The following BCKDHB variants were observed in gnomAD, a reference collection of about 807,000 sequenced individuals.
BCKDHB encodes branched chain keto acid dehydrogenase E1 subunit beta, also known as 2-oxoisovalerate dehydrogenase subunit beta, mitochondrial.
In BCKDHB, 41 loss-of-function variants were observed where a neutral mutation model predicts 48.5. The ratio of observed to expected loss-of-function variants is 0.85; its 90% confidence interval spans 0.66 to 1.10. The LOEUF (loss-of-function observed/expected upper bound fraction) is 1.10. BCKDHB is among the 50% of genes least tolerant of loss of function. BCKDHB has a pLI of 0.00. For missense variants in BCKDHB, 496 were observed against 494.2 expected (o/e 1.00, Z -0.03); for synonymous variants, 201 against 174.8 (o/e 1.15, Z -1.18).
the BCKDHB span, among the ~76,000 whole-genome samples, chr6:80,361,003 C>CAA: frequency 0.31 from 36,593 of 117,220 alleles, 6,785 homozygotes; most frequent in East Asian, 0.56. Context: ...GACTCCATCT[C>CAA]AAAAAAAAAA....
intron 8 of BCKDHB, among the ~76,000 whole-genome samples, chr6:80,230,499 CAG>C (rs954427729): frequency 4.6e-5 from 7 of 152,150 alleles, no homozygotes; most frequent in African/African-American, 1.7e-4. Flanking sequence ...ACATATGGAA[CAG>C]GGGGTTAGCA....
chr6:80,381,710 T>C, the BCKDHB span, among the ~76,000 whole-genome samples: 1 of 152,124 alleles, frequency 6.6e-6, no homozygotes, highest in Non-Finnish European at 1.5e-5. Flanking sequence ...TACTTTTCTG[T>C]GAAGGACATT....
At chr6:80,204,722 T>G (rs1204180830) in intron 8 of BCKDHB, among the ~76,000 whole-genome samples, 2 of 152,132 alleles carry the variant, frequency 1.3e-5, no homozygotes, top group Non-Finnish European at 2.9e-5. Flanking sequence ...AGCAGCTTAT[T>G]GTAAAGCACA....
At position 80,147,618 on chromosome 6, in the gene BCKDHB, A is replaced by G. The variant is rs149752518; in HGVS notation, c.343+18389A>G. On this transcript the variant is annotated intron_variant, in intron 3 of 9. Coordinates refer to ENST00000320393, the MANE Select transcript of BCKDHB (RefSeq NM_183050.4). ...CTAAAAGCAGGGAGACGGGGGTGAG[A>G]TGATGCCTGAGTCCAGGCGTTGTGA... Among the ~76,000 whole-genome samples the G allele has an allele frequency of 1.7e-3, 265 of 152,226 alleles. 1 individual carries two copies. The highest frequency in any genetic ancestry group is 6.0e-3 in the African/African-American group (251 of 41,560).
chr6:80,373,601 G>C, the BCKDHB span, among the ~76,000 whole-genome samples: 1 of 151,978 alleles, frequency 6.6e-6, no homozygotes, highest in Admixed American at 6.6e-5. Flanking sequence ...TATGTCAGTG[G>C]ATAAAAGTCC....
intron 9 of BCKDHB, among the ~76,000 whole-genome samples, chr6:80,301,898 A>C (rs1251803339): frequency 6.6e-6 from 1 of 152,198 alleles, no homozygotes; most frequent in Non-Finnish European, 1.5e-5. Context: ...AATTACTGGG[A>C]TAATCTACTG....
At chr6:80,445,808 A>G in the BCKDHB span, among the ~76,000 whole-genome samples, 1 of 152,170 alleles carries the variant, frequency 6.6e-6, no homozygotes, top group Non-Finnish European at 1.5e-5. Context: ...ACTCTTTAAA[A>G]TTTTATACAC....
intron 8 of BCKDHB, among the ~76,000 whole-genome samples, chr6:80,263,600 T>C (rs1032163170): frequency 1.3e-5 from 2 of 152,164 alleles, no homozygotes; most frequent in African/African-American, 4.8e-5. Context: ...AAAAATTCAT[T>C]TATTCCAGCA....
rs1401764489 is a variant in BCKDHB at position 80,171,373 on chromosome 6, T to C, written c.725T>C (p.Ile242Thr). ...KNPCIFFEPK[I>T]LYRAAAEEVP... ...CCTTGTATATTTTTTGAACCTAAAATACTTTACAGGGCAGCAGGTAAAGAT... is the reference window on the plus strand; with the variant it reads ...CCTTGTATATTTTTTGAACCTAAAACACTTTACAGGGCAGCAGGTAAAGAT... Residue 242 changes from isoleucine to threonine, a missense_variant, in exon 6 of 10, where the codon ATA becomes ACA. Coordinates refer to ENST00000320393, the MANE Select transcript of BCKDHB (RefSeq NM_183050.4). The C allele has an allele frequency of 6.3e-7, 1 of 1,598,538 alleles. No homozygotes were observed. The highest frequency in any genetic ancestry group is 1.3e-5 in the African/African-American group (1 of 74,684).
chr6:80,457,629 T>G, the BCKDHB span, among the ~76,000 whole-genome samples: 5 of 152,208 alleles, frequency 3.3e-5, no homozygotes, highest in Non-Finnish European at 5.9e-5. Flanking sequence ...CTTGAACTGA[T>G]GTACAATTGT....
At chr6:80,296,530 C>G (rs552132436) in intron 9 of BCKDHB, among the ~76,000 whole-genome samples, 1 of 152,224 alleles carries the variant, frequency 6.6e-6, no homozygotes, top group African/African-American at 2.4e-5. Flanking sequence ...CAAATTTTAC[C>G]TTTACATTAG....
intron 6 of BCKDHB, among the ~76,000 whole-genome samples, chr6:80,178,831 T>C (rs1194204809): frequency 1.3e-5 from 2 of 152,174 alleles, no homozygotes; most frequent in African/African-American, 2.4e-5. Context: ...TAATGAGCGA[T>C]GGATTTAAGT....
intron 3 of BCKDHB, among the ~76,000 whole-genome samples, chr6:80,151,192 G>A (rs1771757739): frequency 6.6e-6 from 1 of 152,108 alleles, no homozygotes; most frequent in African/African-American, 2.4e-5. Context: ...ACATCTTATT[G>A]ATGTGTTTTC....
intron 3 of BCKDHB, among the ~76,000 whole-genome samples, chr6:80,163,542 G>A (rs1772427645): frequency 6.6e-6 from 1 of 152,004 alleles, no homozygotes; most frequent in Non-Finnish European, 1.5e-5. Flanking sequence ...TCACCTGCTT[G>A]TCTTGTTAAC....
rs561208689 is a variant in BCKDHB, at chr6:80,169,053, T to G, written c.633+23T>G. Reference sequence around the variant, plus strand: ...AAGGTATGTTCATTTATGTACTTTATTTGATTTCTATTTGATGTTTCCATT... The same window carrying G: ...AAGGTATGTTCATTTATGTACTTTAGTTGATTTCTATTTGATGTTTCCATT... On this transcript the variant is annotated intron_variant, in intron 5 of 9. Transcript: ENST00000320393. 1.8e-5 allele frequency: 29 copies of G among 1,610,380 alleles called. No homozygotes were observed. The East Asian group carries it at 3.6e-4, about 20-fold the overall frequency.
At chr6:80,149,196 T>C (rs552914803) in intron 3 of BCKDHB, among the ~76,000 whole-genome samples, 1 of 152,298 alleles carries the variant, frequency 6.6e-6, no homozygotes, top group East Asian at 1.9e-4. Context: ...AAGACATTTA[T>C]GCAGCCAAAA....
chr6:80,429,099 G>C, the BCKDHB span, among the ~76,000 whole-genome samples: 1 of 152,280 alleles, frequency 6.6e-6, no homozygotes, highest in African/African-American at 2.4e-5. Flanking sequence ...TGGCTAGCCA[G>C]TTTACCCAAC....
At position 80,141,588 on chromosome 6, in the gene BCKDHB, A is replaced by G. The variant is rs146367154; in HGVS notation, c.343+12359A>G. Among the ~76,000 whole-genome samples, 260 of 152,202 alleles carry G rather than the reference A, an allele frequency of 1.7e-3. 1 individual carries two copies. The highest frequency in any genetic ancestry group is 6.0e-3 in the African/African-American group (249 of 41,566). Reference sequence around the variant, plus strand: ...CAGTTTTTCTCAATCTTATTTGACAATGGCATGCTTTTAAAAATGTTCAAA... The same window carrying G: ...CAGTTTTTCTCAATCTTATTTGACAGTGGCATGCTTTTAAAAATGTTCAAA... On this transcript the variant is annotated intron_variant, in intron 3 of 9. Transcript: ENST00000320393.
chr6:80,169,768 G>A, intron 5 of BCKDHB: 1 of 1,567,576 alleles, frequency 6.4e-7, no homozygotes, highest in Non-Finnish European at 8.7e-7. Flanking sequence ...GTGAGCATGT[G>A]TCTATGTTTT....
Sources: gnomAD v4.1 joint callset for allele counts (sites outside exome capture counted in the v4.1 genomes callset) on GRCh38, gnomAD v4.1.1 for gene constraint, MANE v1.5 for transcripts, NCBI Gene and HGNC (gene_info 2026-07-23, HGNC 2026-07-21) for gene names.